SMARCA1: variants seen among roughly 807,000 people sequenced by gnomAD.
SMARCA1 encodes the protein SNF2 related chromatin remodeling ATPase 1.
Under a neutral mutation model 93.6 loss-of-function variants are expected in SMARCA1, and 17 were observed. The ratio of observed to expected loss-of-function variants is 0.18; its 90% CI spans 0.12 to 0.27. The LOEUF is 0.27. Ranked by LOEUF, SMARCA1 falls within the 10% of genes least tolerant of loss-of-function variation. The pLI is 1.00. For missense variants in SMARCA1, 630 were observed against 819.0 expected, an observed-to-expected ratio of 0.77 and a Z score of 2.82; for synonymous variants, 271 against 271.4, an observed-to-expected ratio of 1.00 and a Z score of 0.01.
At chrX:129,498,117 T>C (rs1175547057) in intron 10 of SMARCA1, 46 bp from the exon 11 acceptor site, 2 of 751,846 alleles carry the variant, frequency 2.7e-6, no homozygotes, top group African/African-American at 2.1e-5. Context: ...AGAAAGTTAA[T>C]GTCATAAACA....
intron 9 of SMARCA1, among the ~76,000 whole-genome samples, chrX:129,500,864 C>G (rs1442266269): frequency 9.0e-6 from 1 of 111,241 alleles, no homozygotes; most frequent in Non-Finnish European, 1.9e-5. Flanking sequence ...GCTGTTATGC[C>G]AGTGCATGAC....
intron 17 of SMARCA1, 64 bp downstream of exon 17, chrX:129,486,954 T>C: frequency 1.0e-6 from 1 of 989,016 alleles, no homozygotes; most frequent in South Asian, 2.5e-5. Context: ...GCCAGTGTTA[T>C]TTTATAATTG....
intron 20 of SMARCA1, among the ~76,000 whole-genome samples, 179 bp downstream of exon 20, chrX:129,471,025 T>A (rs1195792511): frequency 8.9e-6 from 1 of 112,186 alleles, no homozygotes; most frequent in Non-Finnish European, 1.9e-5. Flanking sequence ...AAGGGCATAT[T>A]CTATAAGATC....
intron 19 of SMARCA1, 26 bp from the exon 20 acceptor site, chrX:129,471,352 G>A: frequency 9.1e-7 from 1 of 1,104,153 alleles, no homozygotes; most frequent in Non-Finnish European, 1.2e-6. Context: ...TAAACTAAGA[G>A]TAAACTGATG....
intron 23 of SMARCA1, among the ~76,000 whole-genome samples, chrX:129,451,323 A>G (rs141294987): frequency 0.019 from 2,139 of 111,649 alleles, 51 homozygotes; most frequent in African/African-American, 0.067. Flanking sequence ...TTCTAGGGAG[A>G]CTAAATAGAG....
intron 16 of SMARCA1, 57 bp downstream of exon 16, chrX:129,488,880 G>A: frequency 1.4e-6 from 1 of 740,603 alleles, no homozygotes; most frequent in Middle Eastern, 3.0e-4. Flanking sequence ...TAAGTATGCT[G>A]AAGTATGTTG....
Position 129,448,400 on chromosome X carries a change from T to C in SMARCA1, c.3074A>G (p.Lys1025Arg). ...RCNTLISLIEKENMEIEERER... is the reference protein window; with the variant it reads ...RCNTLISLIERENMEIEERER... ...TCTTTCCTCAATTTCCATATTTTCT[T>C]TCTCAATCAATGAAATCAGAGTGTT... Residue 1025 changes from lysine (K) to arginine (R), a missense_variant, in exon 24 of 25, where the codon AAA becomes AGA. This residue lies in a region of SMARCA1 where 93 missense variants were observed against 160.8 expected (regional missense o/e 0.58). Coordinates refer to ENST00000371121, the MANE Select transcript of SMARCA1 (RefSeq NM_001282874.2). 1 of 1,200,018 alleles carries C rather than the reference T, an allele frequency of 8.3e-7. No homozygotes were observed.
rs1172339614 is a variant in SMARCA1 at position 129,467,070 on chromosome X, A to T, written c.2699-1108T>A. Among the ~76,000 whole-genome samples the T allele has an allele frequency of 3.7e-4, 41 of 112,208 alleles. No homozygotes were observed. In the Admixed American group the frequency reaches 3.9e-3, roughly 11 times the overall value. On this transcript the variant is annotated intron_variant, in intron 21 of 24. Transcript: ENST00000371121. ...CTGATTTTTATAAGCACCTGTGTTCATTTACTCATTCACTCACATATTCAT... is the reference window on the plus strand; with the variant it reads ...CTGATTTTTATAAGCACCTGTGTTCTTTTACTCATTCACTCACATATTCAT...
chrX:129,522,621 T>A (rs72614115), intron 1 of SMARCA1, among the ~76,000 whole-genome samples: 1 of 110,396 alleles, frequency 9.1e-6, no homozygotes, highest in African/African-American at 3.3e-5. Context: ...ATGGTTTTTT[T>A]CCTGCCATCC....
At chrX:129,492,312 A>G (rs936250072) in intron 13 of SMARCA1, among the ~76,000 whole-genome samples, 24 of 111,990 alleles carry the variant, frequency 2.1e-4, no homozygotes, top group African/African-American at 7.8e-4. Context: ...TGTAGAAAGT[A>G]TATTATATAA....
chrX:129,478,496 C>T (rs984545414), intron 19 of SMARCA1, among the ~76,000 whole-genome samples: 1 of 111,279 alleles, frequency 9.0e-6, no homozygotes, highest in Non-Finnish European at 1.9e-5. Context: ...TCTTATACCT[C>T]TCCTCCTCCC....
chrX:129,508,591 T>C (rs1040143965), intron 6 of SMARCA1, among the ~76,000 whole-genome samples: 3 of 112,524 alleles, frequency 2.7e-5, no homozygotes, highest in African/African-American at 9.7e-5. Context: ...GGCTGACTCA[T>C]ATACTTTGTT....
intron 1 of SMARCA1, among the ~76,000 whole-genome samples, chrX:129,521,453 C>T (rs1935392406): frequency 8.9e-6 from 1 of 112,041 alleles, no homozygotes; most frequent in African/African-American, 3.2e-5. Flanking sequence ...ACCTCATTTC[C>T]CTGTCCTGGG....
In SMARCA1 at chrX:129,465,717, C is replaced by A; in HGVS notation, c.2833G>T (p.Ala945Ser). 8.5e-7 allele frequency: 1 copy of A among 1,171,387 alleles called. No individual in the cohort carries two copies. The highest frequency in any genetic ancestry group is 1.1e-6 in the Non-Finnish European group (1 of 875,279). The change falls in exon 23 of 25, where the codon GCT becomes TCT. Residue 945 changes from alanine (A) to serine (S), a missense_variant. Around this residue, in one of 4 missense-constraint regions of SMARCA1, gnomAD observed 93 missense variants for 160.8 expected, o/e 0.58. Coordinates refer to ENST00000371121, the MANE Select transcript of SMARCA1 (RefSeq NM_001282874.2). ...ALDAKIARYK[A>S]PFHQLRIQYG... ...TGAATGCGCAACTGATGAAATGGAG[C>A]CTTGTATCTTGCAATCTGTGTATTT...
At chrX:129,513,549 A>T (rs774334270) in intron 5 of SMARCA1, among the ~76,000 whole-genome samples, 52 of 105,603 alleles carry the variant, frequency 4.9e-4, no homozygotes, top group Non-Finnish European at 8.7e-4. Context: ...TATATATATT[A>T]AAAAAAGTAA....
intron 17 of SMARCA1, among the ~76,000 whole-genome samples, chrX:129,486,783 T>C (rs1362800107): frequency 5.6e-5 from 6 of 106,857 alleles, no homozygotes; most frequent in Non-Finnish European, 9.5e-5. Flanking sequence ...GTAGTAGTAG[T>C]AGCAGCAGCA....
rs138271703 is a variant in SMARCA1 at position 129,491,983 on chromosome X, T to C, written c.1773A>G (p.Leu591=). The change falls in exon 14 of 25, where the codon CTA becomes CTG. Residue 591 remains leucine (L), a synonymous_variant. Transcript: ENST00000371121. The part of the protein sequence containing the change: ...INLASADVVI[L]YDSDWNPQVD... ...CCTGTGGGTTCCAGTCTGAATCATATAGTATAACCACATCAGCACTTGCCA... is the reference window on the plus strand; with the variant it reads ...CCTGTGGGTTCCAGTCTGAATCATACAGTATAACCACATCAGCACTTGCCA... 1.2e-3 allele frequency: 1,426 copies of C among 1,198,315 alleles called. 1 individual carries two copies. Among genetic ancestry groups the C allele is most frequent in the Non-Finnish European group, 1.5e-3 (1,339 of 886,041 alleles).
At chrX:129,498,970 C>A (rs1250376925) in intron 10 of SMARCA1, among the ~76,000 whole-genome samples, 2 of 111,417 alleles carry the variant, frequency 1.8e-5, no homozygotes, top group African/African-American at 6.5e-5. Context: ...TTTGTAATAT[C>A]CACAATCACC....
chrX:129,469,261 G>A (rs775113529), intron 20 of SMARCA1, among the ~76,000 whole-genome samples: 1 of 111,041 alleles, frequency 9.0e-6, no homozygotes, highest in African/African-American at 3.3e-5. Flanking sequence ...TCACAGATCT[G>A]TTCCTACATA....
Sources: gnomAD v4.1 joint callset for allele counts (sites outside exome capture counted in the v4.1 genomes callset) on GRCh38, gnomAD v4.1.1 for gene constraint, gnomAD v4.1.1 regional missense constraint, MANE v1.5 for transcripts, NCBI Gene and HGNC (gene_info 2026-07-23, HGNC 2026-07-21) for gene names.